MTMR4: variants seen among roughly 807,000 people sequenced by gnomAD.
The protein encoded by MTMR4 is myotubularin related protein 4, also known as phosphatidylinositol-3,5-bisphosphate 3-phosphatase MTMR4.
Under a neutral mutation model 125.5 loss-of-function variants are expected in MTMR4, and 30 were observed. The observed-to-expected ratio is 0.24, with a 90% CI of 0.18 to 0.32. MTMR4 has a LOEUF of 0.32. MTMR4 is among the 10% of genes least tolerant of loss of function. The pLI is 1.00. For missense variants in MTMR4, 1,039 were observed against 1,511.5 expected (o/e 0.69, Z 5.18); for synonymous variants, 498 against 564.5 (o/e 0.88, Z 1.67).
Position 58,492,672 on chromosome 17 carries a change from G to A in MTMR4, c.3364-73C>T, listed in dbSNP as rs917804193. On this transcript the variant is annotated intron_variant, in intron 16 of 17. Coordinates refer to ENST00000682306, the MANE Select transcript of MTMR4 (RefSeq NM_001378067.1). ...GAAGAGCAACATTGCAATGAGGAAA[G>A]CACCCCAGCAGAAAGAGACAAGGCT... 4 of 1,461,312 alleles carry A rather than the reference G, an allele frequency of 2.7e-6. No homozygotes were observed. The African/African-American group carries it at 4.2e-5, about 15-fold the overall frequency. 90.5% of individuals were successfully genotyped at this position (1,461,312 alleles called of 1,614,324 possible).
rs147089697 is a variant in MTMR4 at position 58,495,626 on chromosome 17, C to G, written c.2558G>C (p.Gly853Ala). Residue 853 changes from glycine (G) to alanine (A), a missense_variant, in exon 15 of 18, where the codon GGG becomes GCG. Physicochemically the swap from Gly to Ala is moderately conservative, Grantham distance 60 (BLOSUM62 0). Around this residue, in one of 6 missense-constraint regions of MTMR4, gnomAD observed 619 missense variants for 714.5 expected, o/e 0.87. Coordinates refer to ENST00000682306, the MANE Select transcript of MTMR4 (RefSeq NM_001378067.1). ...STDFLNQDPSGSVASISHQEQ... is the reference protein window; with the variant it reads ...STDFLNQDPSASVASISHQEQ... ...CTGGTGGGAGATACTTGCCACAGAC[C>G]CTGAGGGATCTTGGTTGAGGAAGTC... The G allele has an allele frequency of 7.4e-6, 12 of 1,614,098 alleles. No individual in the cohort carries two copies. The African/African-American group carries it at 1.5e-4, about 20-fold the overall frequency.
At position 58,514,343 on chromosome 17, in the gene MTMR4, A is replaced by G. The variant is rs563356987; in HGVS notation, c.45+20T>C. On this transcript the variant is annotated intron_variant, in intron 1 of 17. Transcript: ENST00000682306. ...GCTGCGGGTGCCTCCTAGGCCCCCA[A>G]AGGCAGGGTGGGCACTTACGAAGCA... 6.1e-5 allele frequency: 60 copies of G among 988,230 alleles called. No homozygotes were observed. In the South Asian group the frequency reaches 2.5e-3, roughly 42 times the overall value. 61.2% of individuals were successfully genotyped at this position (988,230 alleles called of 1,614,324 possible). A position where few individuals can be genotyped will look rare whatever the true frequency, so the allele number is the denominator to read the frequency against.
Position 58,512,514 on chromosome 17 carries a change from G to A in MTMR4, c.136-8C>T. On this transcript the variant is annotated splice_polypyrimidine_tract_variant and splice_region_variant and intron_variant, in intron 2 of 17. Coordinates refer to ENST00000682306, the MANE Select transcript of MTMR4 (RefSeq NM_001378067.1). The surrounding 1 kb of genome is among the most constrained non-coding windows in gnomAD (Gnocchi z 4.1). ...CAGCACTGTGAAGGGGACCTGTCAA[G>A]GGGCAGAGAAACCTTCAGTCCAGAA... 1 of 1,608,838 alleles carries A rather than the reference G, an allele frequency of 6.2e-7. No homozygotes were observed. Among genetic ancestry groups the A allele is most frequent in the Non-Finnish European group, 8.5e-7 (1 of 1,175,342 alleles).
chr17:58,492,695 G>C, intron 16 of MTMR4, 96 bp from the exon 17 acceptor site: 1 of 1,380,908 alleles, frequency 7.2e-7, no homozygotes, highest in Non-Finnish European at 1.0e-6. Context: ...AAGAGACAAG[G>C]CTTATCTTCA....
At position 58,494,945 on chromosome 17, in the gene MTMR4, T is replaced by C; in HGVS notation, c.3239A>G (p.Tyr1080Cys). Reference protein sequence around the residue: ...CAPPAEPPMDYEDDFTCLKES... With the variant: ...CAPPAEPPMDCEDDFTCLKES... ...GTGACTACTTACAAAATCATCCTCA[T>C]AGTCCATGGGGGGCTCTGCTGGAGG... Residue 1080 changes from tyrosine to cysteine, a missense_variant, in exon 15 of 18, where the codon TAT becomes TGT. Tyr to Cys is a radical substitution (Grantham distance 194). This residue lies in a region of MTMR4 where 619 missense variants were observed against 714.5 expected (regional missense o/e 0.87). Coordinates refer to ENST00000682306, the MANE Select transcript of MTMR4 (RefSeq NM_001378067.1). The C allele has an allele frequency of 6.2e-7, 1 of 1,613,926 alleles. No homozygotes were observed. Among genetic ancestry groups the C allele is most frequent in the Non-Finnish European group, 8.5e-7 (1 of 1,179,884 alleles).
At position 58,490,225 on chromosome 17, in the gene MTMR4, T is replaced by G. The variant is rs1056706884; in HGVS notation, c.*1438A>C. On this transcript the variant is annotated 3_prime_UTR_variant, in exon 18 of 18. Coordinates refer to ENST00000682306, the MANE Select transcript of MTMR4 (RefSeq NM_001378067.1). The stretch of plus-strand genomic sequence containing the variant: ...GCAGTAAGAAAGATGACTACCATCA[T>G]TTCAAAACAGGATAAGCCTAAATAT... The G allele has an allele frequency of 6.6e-6, 1 of 152,428 alleles. No homozygotes were observed. The highest frequency in any genetic ancestry group is 1.5e-5 in the Non-Finnish European group (1 of 68,036). The allele number at this position is 152,428 out of a possible 1,614,324, so 9.4% of individuals were successfully genotyped here. A position where few individuals can be genotyped will look rare whatever the true frequency, so the allele number is the denominator to read the frequency against.
rs750057224 is a variant in MTMR4, at chr17:58,508,296, G to T, written c.594-22C>A. ...CAATCTGAGAAGAGACCAGGTGGGG[G>T]TCACTGCACTGGGTCTAAAACATGT... is the stretch of plus-strand genomic sequence containing the variant. On this transcript the variant is annotated intron_variant, in intron 6 of 17. Coordinates refer to ENST00000682306, the MANE Select transcript of MTMR4 (RefSeq NM_001378067.1). This position sits in a 1 kb window ranked among gnomAD's most constrained non-coding sequence, Gnocchi z 4.8. The T allele has an allele frequency of 2.5e-6, 4 of 1,602,016 alleles. No homozygotes were observed. The highest frequency in any genetic ancestry group is 1.7e-5 in the Admixed American group (1 of 59,990).
rs1478652482 is a variant in MTMR4 at position 58,508,045 on chromosome 17, T to G, written c.707+116A>C. The G allele has an allele frequency of 4.3e-6, 3 of 694,604 alleles. No homozygotes were observed. Among genetic ancestry groups the G allele is most frequent in the Non-Finnish European group, 7.4e-6 (3 of 407,358 alleles). The allele number at this position is 694,604 out of a possible 1,614,324, so 43.0% of individuals were successfully genotyped here. A position where few individuals can be genotyped will look rare whatever the true frequency, so the allele number is the denominator to read the frequency against. ...TAGTTTTTGTTTTAAAGTTATTTCA[T>G]ACTTCCCCATAGAGTGTCAATTCTC... On this transcript the variant is annotated intron_variant, in intron 7 of 17. Transcript: ENST00000682306. This position sits in a 1 kb window ranked among gnomAD's most constrained non-coding sequence, Gnocchi z 4.8.
At chr17:58,515,862 A>C (rs1976074498), upstream of MTMR4, among the ~76,000 whole-genome samples, 1 of 152,234 alleles carries the variant, frequency 6.6e-6, no homozygotes. Context: ...CCTAAAAGAC[A>C]CCGAAGAGAT....
upstream of MTMR4, chr17:58,516,634 G>A: frequency 6.2e-7 from 1 of 1,613,014 alleles, no homozygotes; most frequent in Non-Finnish European, 8.5e-7. Flanking sequence ...AGGAGACAGA[G>A]GAACATAAAA....
chr17:58,510,307 A>G (rs544973783), intron 4 of MTMR4, among the ~76,000 whole-genome samples: 204 of 152,156 alleles, frequency 1.3e-3, no homozygotes, highest in Non-Finnish European at 2.6e-3. Flanking sequence ...GCTCTACTCC[A>G]ACAACACCAG....
At chr17:58,501,360 A>G (rs1598217220) in intron 14 of MTMR4, among the ~76,000 whole-genome samples, 2 of 152,120 alleles carry the variant, frequency 1.3e-5, no homozygotes, top group African/African-American at 2.4e-5. Flanking sequence ...AAATTGGCAC[A>G]TGCCTAATGA....
In MTMR4 at chr17:58,512,926, G is replaced by C. The variant is rs376613301; in HGVS notation, c.61C>G (p.Pro21Ala). 4 of 1,610,798 alleles carry C rather than the reference G, an allele frequency of 2.5e-6. No homozygotes were observed. Among genetic ancestry groups the C allele is most frequent in the Non-Finnish European group, 3.4e-6 (4 of 1,178,930 alleles). ...MLSCFGEEGP[P>A]SLEYIQAKDL... The stretch of plus-strand genomic sequence containing the variant: ...TTGGCTTGGATGTACTCCAGGCTGG[G>C]GGGCCCCTCCTCACCCTGTAGGAAG... The change falls in exon 2 of 18, where the codon CCC (proline) becomes GCC (alanine). Residue 21 changes from proline (P) to alanine (A), a missense_variant. Physicochemically the swap from Pro to Ala is conservative, Grantham distance 27. Transcript: ENST00000682306. This position sits in a 1 kb window ranked among gnomAD's most constrained non-coding sequence, Gnocchi z 4.1.
At chr17:58,514,128 T>C in intron 1 of MTMR4, 1 of 194,792 alleles carries the variant, frequency 5.1e-6, no homozygotes, top group Non-Finnish European at 9.4e-6. Flanking sequence ...TCAAGGGCAG[T>C]GGCTGCGGGG....
rs1391542151 is a variant in MTMR4 at position 58,504,062 on chromosome 17, G to C, written c.1686C>G (p.Pro562=). Reference sequence around the variant, plus strand: ...GGCTCAGACTCACCATGTCTGAGCTGGGTGTGTAGAGGAAGTTATGAAAGT... The same window carrying C: ...GGCTCAGACTCACCATGTCTGAGCTCGGTGTGTAGAGGAAGTTATGAAAGT... The part of the protein sequence containing the change: ...NKNFHNFLYT[P]SSDMVLHPVC... The change falls in exon 13 of 18, where the codon CCC becomes CCG. Residue 562 remains proline (P), a synonymous_variant. Transcript: ENST00000682306. The surrounding 1 kb of genome is among the most constrained non-coding windows in gnomAD (Gnocchi z 7.1). 1 of 1,562,032 alleles carries C rather than the reference G, an allele frequency of 6.4e-7. No homozygotes were observed. The highest frequency in any genetic ancestry group is 1.4e-5 in the African/African-American group (1 of 73,034).
chr17:58,501,120 G>A lies in MTMR4; in HGVS notation c.1853+2624C>T, dbSNP rs530344759. 1.8e-4 allele frequency among the ~76,000 whole-genome samples: 27 copies of A among 152,152 alleles called. No homozygotes were observed. In the South Asian group the frequency reaches 5.6e-3, roughly 32 times the overall value. On this transcript the variant is annotated intron_variant, in intron 14 of 17. Coordinates refer to ENST00000682306, the MANE Select transcript of MTMR4 (RefSeq NM_001378067.1). ...ATCACGGTCCCCTCACAATGACTTA[G>A]TTCAAAAGACCCTAAAACCAATAAT...
chr17:58,502,447 C>G (rs1453264116), intron 14 of MTMR4, among the ~76,000 whole-genome samples: 1 of 151,200 alleles, frequency 6.6e-6, no homozygotes, highest in Non-Finnish European at 1.5e-5. Context: ...CATGAGCCAC[C>G]GTGCCCAGCC....
chr17:58,504,241 G>A lies in MTMR4; in HGVS notation c.1528-21C>T, dbSNP rs755544515. 30 of 1,603,010 alleles carry A rather than the reference G, an allele frequency of 1.9e-5. No homozygotes were observed. In the South Asian group the frequency reaches 3.2e-4, roughly 17 times the overall value. Reference sequence around the variant, plus strand: ...TTTACCTAGAAAGCAGAGAGAGCTTGCACCTGGGGGCCTCGGGCTGTCATT... The same window carrying A: ...TTTACCTAGAAAGCAGAGAGAGCTTACACCTGGGGGCCTCGGGCTGTCATT... On this transcript the variant is annotated intron_variant, in intron 12 of 17. Transcript: ENST00000682306. The surrounding 1 kb of genome is among the most constrained non-coding windows in gnomAD (Gnocchi z 7.1).
intron 14 of MTMR4, among the ~76,000 whole-genome samples, chr17:58,497,591 GT>G (rs1159338990): frequency 6.6e-6 from 1 of 152,178 alleles, no homozygotes; most frequent in Non-Finnish European, 1.5e-5. Context: ...GCACTTTATT[GT>G]TTACTTGTTT....
Sources: gnomAD v4.1 joint callset for allele counts (sites outside exome capture counted in the v4.1 genomes callset) on GRCh38, gnomAD v4.1.1 for gene constraint, gnomAD v4.1.1 regional missense constraint, Gnocchi (gnomAD v3.1) non-coding constraint, MANE v1.5 for transcripts, NCBI Gene and HGNC (gene_info 2026-07-23, HGNC 2026-07-21) for gene names.